NF1: variants seen among roughly 807,000 people sequenced by gnomAD.
NF1 encodes the protein neurofibromin 1, also known as neurofibromin.
Under a neutral mutation model 325.7 loss-of-function variants are expected in NF1, and 122 were observed. The observed-to-expected ratio is 0.37, with a 90% CI of 0.32 to 0.44. The LOEUF (loss-of-function observed/expected upper bound fraction) is 0.44. Among genes scored for constraint, NF1 ranks in the 20% least tolerant of loss-of-function variants. The pLI, the probability that NF1 is intolerant of heterozygous loss-of-function variation, is 1.00. For synonymous variants in NF1, 1,091 were observed against 1,186.0 expected, an observed-to-expected ratio of 0.92 and a Z score of 1.65; for missense variants, 2,140 against 3,415.4, an observed-to-expected ratio of 0.63 and a Z score of 9.31.
At chr17:31,264,948 T>C (rs566313689) in intron 35 of NF1, among the ~76,000 whole-genome samples, 2 of 152,302 alleles carry the variant, frequency 1.3e-5, no homozygotes, top group Non-Finnish European at 2.9e-5. Context: ...TAAAAAATCA[T>C]AAACTTCTGT....
chr17:31,206,612 T>C (rs2143918118), intron 12 of NF1, among the ~76,000 whole-genome samples: 1 of 152,290 alleles, frequency 6.6e-6, no homozygotes, highest in South Asian at 2.1e-4. Context: ...ACACTGAAAG[T>C]CTTAATGAAT....
chr17:31,368,616 C>A (rs1204879101), intron 57 of NF1, among the ~76,000 whole-genome samples: 1 of 152,142 alleles, frequency 6.6e-6, no homozygotes, highest in Non-Finnish European at 1.5e-5. Context: ...TTTACAAATT[C>A]TAGCATAAAA....
At chr17:31,134,777 T>C (rs556365380) in intron 1 of NF1, among the ~76,000 whole-genome samples, 1 of 152,212 alleles carries the variant, frequency 6.6e-6, no homozygotes, top group Non-Finnish European at 1.5e-5. Flanking sequence ...TCCATCTGGC[T>C]GCTTGTAATG....
chr17:31,112,724 GT>G (rs1430209106), intron 1 of NF1, among the ~76,000 whole-genome samples: 1 of 151,788 alleles, frequency 6.6e-6, no homozygotes, highest in African/African-American at 2.4e-5. Flanking sequence ...TTGTTTTTTT[GT>G]TCTCAAAGTC....
chr17:31,182,318 T>A (rs2066152112), intron 7 of NF1, among the ~76,000 whole-genome samples, 190 bp from the exon 8 acceptor site: 2 of 152,170 alleles, frequency 1.3e-5, no homozygotes, highest in Admixed American at 6.5e-5. Flanking sequence ...AAGATAGCTC[T>A]TCTAACACAT....
chr17:31,151,012 G>A (rs910403483), intron 1 of NF1, among the ~76,000 whole-genome samples: 11 of 149,804 alleles, frequency 7.3e-5, no homozygotes, highest in Non-Finnish European at 1.3e-4. Flanking sequence ...TCCAGCCTGG[G>A]TGACAGAGCA....
intron 8 of NF1, among the ~76,000 whole-genome samples, chr17:31,197,777 T>C (rs146453390): frequency 1.4e-3 from 219 of 152,312 alleles, no homozygotes; most frequent in African/African-American, 4.7e-3. Context: ...TCTGTCCAAA[T>C]TCAATGAATT....
At position 31,261,706 on chromosome 17, in the gene NF1, T is replaced by A. The variant is rs772759508; in HGVS notation, c.4578-5T>A. On this transcript the variant is annotated splice_polypyrimidine_tract_variant and splice_region_variant and intron_variant, in intron 34 of 57. Coordinates refer to ENST00000358273, the MANE Select transcript of NF1 (RefSeq NM_001042492.3). ...TTTTTTTTCTAAGTAGTTTGCTGTA[T>A]CTAGGGATCATAAAGCTGTTGGAAG... 6.2e-7 allele frequency: 1 copy of A among 1,612,036 alleles called. No homozygotes were observed.
At chr17:31,186,940 A>G (rs1027227985) in intron 8 of NF1, among the ~76,000 whole-genome samples, 1 of 152,248 alleles carries the variant, frequency 6.6e-6, no homozygotes. Flanking sequence ...CAGGGTGATC[A>G]GCCAGCTACC....
At chr17:31,286,185 A>T (rs1349897372) in intron 36 of NF1, among the ~76,000 whole-genome samples, 1 of 151,834 alleles carries the variant, frequency 6.6e-6, no homozygotes, top group African/African-American at 2.4e-5. Flanking sequence ...ACCTCCACCT[A>T]CTGGGTTCAA....
intron 36 of NF1, chr17:31,307,781 A>C: frequency 2.9e-6 from 2 of 687,164 alleles, no homozygotes; most frequent in Non-Finnish European, 4.4e-6. Flanking sequence ...AGGGTGTTAG[A>C]TATTGGTATA....
In NF1 at chr17:31,206,298, G is replaced by A. The variant is rs1466678870; in HGVS notation, c.1319G>A (p.Arg440Gln). The A allele has an allele frequency of 2.5e-6, 4 of 1,613,862 alleles. No homozygotes were observed. The highest frequency in any genetic ancestry group is 1.7e-6 in the Non-Finnish European group (2 of 1,179,810). The change falls in exon 12 of 58, where the codon CGA (arginine) becomes CAA (glutamine). Residue 440 changes from arginine to glutamine, a missense_variant. Physicochemically the swap from Arg to Gln is conservative, Grantham distance 43 (BLOSUM62 1). This residue lies in a region of NF1 where 179 missense variants were observed against 381.0 expected (regional missense o/e 0.47). Transcript: ENST00000358273. Reference sequence around the variant, plus strand: ...GTGTATTGTCACTCGGTTGAACTTCGAAATATGTTTGGTGAAACACTTCAT... The same window carrying A: ...GTGTATTGTCACTCGGTTGAACTTCAAAATATGTTTGGTGAAACACTTCAT... ...DAVYCHSVELRNMFGETLHKA... is the reference protein window; with the variant it reads ...DAVYCHSVELQNMFGETLHKA...
chr17:31,318,640 A>G, intron 36 of NF1: 1 of 1,614,092 alleles, frequency 6.2e-7, no homozygotes, highest in Non-Finnish European at 8.5e-7. Context: ...TTCCGCACAG[A>G]CATCCTTTTT....
intron 1 of NF1, chr17:31,128,336 T>C (rs1251194339): frequency 6.6e-6 from 1 of 152,192 alleles, no homozygotes; most frequent in African/African-American, 2.4e-5. Context: ...AGGTTAGTAT[T>C]GATATGTGTG....
chr17:31,278,771 C>T (rs948259015), intron 36 of NF1, among the ~76,000 whole-genome samples: 1 of 151,712 alleles, frequency 6.6e-6, no homozygotes, highest in Admixed American at 6.6e-5. Context: ...CCTGCCACCA[C>T]GCCTGGCTAA....
At position 31,226,452 on chromosome 17, in the gene NF1, C is replaced by T. The variant is rs146624509; in HGVS notation, c.2019C>T (p.Cys673=). The T allele has an allele frequency of 8.1e-6, 13 of 1,613,452 alleles. No individual in the cohort carries two copies. The highest frequency in any genetic ancestry group is 1.7e-5 in the Admixed American group (1 of 59,920). The change falls in exon 18 of 58, where the codon TGC becomes TGT. Residue 673 remains cysteine, a synonymous_variant. Transcript: ENST00000358273. ...ACTCTCAGGATAGTGCAGCAGGATG[C>T]AGCGGAACCCCCCCGATTTGCCGAC... ...GNSSMDSAAG[C]SGTPPICRQA...
intron 57 of NF1, among the ~76,000 whole-genome samples, chr17:31,371,406 T>C (rs991075763): frequency 1.3e-5 from 2 of 152,180 alleles, no homozygotes. Context: ...TTTTATCTTG[T>C]AGAGATACGC....
chr17:31,294,269 A>T (rs1159338207), intron 36 of NF1, among the ~76,000 whole-genome samples: 2 of 152,056 alleles, frequency 1.3e-5, no homozygotes, highest in Admixed American at 6.6e-5. Context: ...ATGTTTTTAA[A>T]TTTTTTCATT....
intron 1 of NF1, among the ~76,000 whole-genome samples, chr17:31,109,379 CTTTTTTTTCTTTTTCTT>C (rs1346108746): frequency 6.6e-6 from 1 of 151,538 alleles, no homozygotes; most frequent in South Asian, 2.1e-4. Context: ...AGATCATTTT[CTTTTTTTTCTTTTTCTT>C]TTTTTTTTCT....
Sources: gnomAD v4.1 joint callset for allele counts (sites outside exome capture counted in the v4.1 genomes callset) on GRCh38, gnomAD v4.1.1 for gene constraint, gnomAD v4.1.1 regional missense constraint, MANE v1.5 for transcripts, NCBI Gene and HGNC (gene_info 2026-07-23, HGNC 2026-07-21) for gene names.